The following CEP44 variants were observed in gnomAD, a reference collection of about 807,000 sequenced individuals.
CEP44 encodes centrosomal protein of 44 kDa.
CEP44 carries 45 observed loss-of-function variants against 46.7 expected under a neutral mutation model. The observed-to-expected ratio is 0.96, with a 90% CI of 0.76 to 1.24. The LOEUF (loss-of-function observed/expected upper bound fraction) is 1.24. Among genes scored for constraint, CEP44 ranks in the 50% most tolerant of loss-of-function variants. The pLI, the probability that CEP44 is intolerant of heterozygous loss-of-function variation, is 0.00. For missense variants in CEP44, 475 were observed against 459.7 expected (o/e 1.03, Z -0.30); for synonymous variants, 142 against 146.0 (o/e 0.97, Z 0.20).
rs1220465703 is a variant in CEP44 at position 174,310,941 on chromosome 4, T to C, written c.961+83T>C. The C allele has an allele frequency of 1.5e-6, 1 of 670,478 alleles. No individual in the cohort carries two copies. The highest frequency in any genetic ancestry group is 1.8e-5 in the African/African-American group (1 of 54,128). 41.5% of individuals were successfully genotyped at this position (670,478 alleles called of 1,614,324 possible). Reference sequence around the variant, plus strand: ...ATAGTAATTTTAATATTCTTAAGCTTTATTGTTTAGAAATTGCAAAGCTCC... The same window carrying C: ...ATAGTAATTTTAATATTCTTAAGCTCTATTGTTTAGAAATTGCAAAGCTCC... On this transcript the variant is annotated intron_variant, in intron 9 of 11. Transcript: ENST00000503780. This position sits in a 1 kb window ranked among gnomAD's most constrained non-coding sequence, Gnocchi z 4.2.
intron 1 of CEP44, among the ~76,000 whole-genome samples, chr4:174,292,920 T>G (rs1047265261): frequency 2.6e-5 from 4 of 152,228 alleles, no homozygotes; most frequent in Admixed American, 2.0e-4. Context: ...TTGGTTTCCT[T>G]TGGCATGTTG....
Position 174,299,113 on chromosome 4 carries a change from T to A in CEP44, c.-9T>A, listed in dbSNP as rs747626793. The A allele has an allele frequency of 6.2e-7, 1 of 1,607,062 alleles. No individual in the cohort carries two copies. The highest frequency in any genetic ancestry group is 8.5e-7 in the Non-Finnish European group (1 of 1,177,336). ...TTTCAAGAATTGGAGCTGAATCTGA[T>A]GTTAAGTAATGGCAACAGGTGACTT... is the stretch of plus-strand genomic sequence containing the variant. On this transcript the variant is annotated 5_prime_UTR_variant, in exon 3 of 12. It removes an upstream start codon present in the reference 5' UTR. Transcript: ENST00000503780.
chr4:174,299,306 C>A, intron 3 of CEP44, 96 bp downstream of exon 3: 1 of 927,010 alleles, frequency 1.1e-6, no homozygotes, highest in Non-Finnish European at 1.6e-6. Context: ...CAGATTTTAC[C>A]TGGTTCCTAT....
In CEP44 at chr4:174,308,749, A is replaced by G. The variant is rs771493509; in HGVS notation, c.568A>G (p.Thr190Ala). 13 of 1,613,246 alleles carry G rather than the reference A, an allele frequency of 8.1e-6. No homozygotes were observed. The highest frequency in any genetic ancestry group is 1.1e-5 in the Non-Finnish European group (13 of 1,179,372). ...NEDNVDISEDTLSPITDVNEA... is the reference protein window; with the variant it reads ...NEDNVDISEDALSPITDVNEA... The stretch of plus-strand genomic sequence containing the variant: ...AGATAATGTTGACATTTCTGAGGAT[A>G]CATTAAGTCCAATAACAGATGTTAA... Residue 190 changes from threonine (T) to alanine (A), a missense_variant, in exon 7 of 12, where the codon ACA (threonine) becomes GCA (alanine). By Grantham distance (58) the Thr-to-Ala change is moderately conservative (BLOSUM62 0). Transcript: ENST00000503780.
intron 1 of CEP44, among the ~76,000 whole-genome samples, chr4:174,295,277 G>T (rs1406991197): frequency 6.6e-6 from 1 of 151,596 alleles, no homozygotes; most frequent in Non-Finnish European, 1.5e-5. Context: ...AGACGGAGCG[G>T]CTGGGCAGAG....
chr4:174,319,175 A>G lies in CEP44; in HGVS notation c.*1792A>G. 3.1e-6 allele frequency: 3 copies of G among 980,692 alleles called. No individual in the cohort carries two copies. The highest frequency in any genetic ancestry group is 9.4e-5 in the South Asian group (2 of 21,194). 60.7% of individuals were successfully genotyped at this position (980,692 alleles called of 1,614,324 possible). A position where few individuals can be genotyped will look rare whatever the true frequency, so the allele number is the denominator to read the frequency against. On this transcript the variant is annotated 3_prime_UTR_variant, in exon 12 of 12. Transcript: ENST00000503780. ...AAAATGGTAGCCTACAGAAACATAC[A>G]ATTTTGAATTTAACAGAGTTTCAGT...
chr4:174,303,748 C>T lies in CEP44; in HGVS notation c.283C>T (p.Gln95Ter). 2 of 1,557,304 alleles carry T rather than the reference C, an allele frequency of 1.3e-6. No homozygotes were observed. Among genetic ancestry groups the T allele is most frequent in the Non-Finnish European group, 8.8e-7 (1 of 1,137,124 alleles). The stretch of plus-strand genomic sequence containing the variant: ...TTATAAACCAATTTTGACAAAAAAG[C>T]AGTTTATCCAATGTGGGTTTGCAGA... The part of the protein sequence containing the change: ...FNYKPILTKK[Q>*]FIQCGFAEWK... The change falls in exon 5 of 12, where the codon CAG (glutamine) becomes TAG (stop). Residue 95 changes from glutamine (Q) to a stop codon, truncating the protein, a stop_gained. Transcript: ENST00000503780. LOFTEE classifies it high-confidence loss of function.
chr4:174,310,074 C>G lies in CEP44; in HGVS notation c.885+18C>G, dbSNP rs546205563. On this transcript the variant is annotated intron_variant, in intron 8 of 11. Transcript: ENST00000503780. This position sits in a 1 kb window ranked among gnomAD's most constrained non-coding sequence, Gnocchi z 4.2. ...CTAAAAAGGTATTTTCCTCCTTTAA[C>G]ATTTATAAAATATCTCAGATATAAC... The G allele has an allele frequency of 1.8e-4, 293 of 1,596,198 alleles. 2 individuals are homozygous for G. Among genetic ancestry groups the G allele is most frequent in the Middle Eastern group, 1.4e-3 (8 of 5,738 alleles).
At chr4:174,322,222 G>A (rs971920088), downstream of CEP44, among the ~76,000 whole-genome samples, 3 of 151,848 alleles carry the variant, frequency 2.0e-5, no homozygotes, top group Non-Finnish European at 4.4e-5. Context: ...TCTCAATTTC[G>A]CACCATTTTT....
chr4:174,303,060 A>G (rs960394488), intron 4 of CEP44, among the ~76,000 whole-genome samples: 12 of 152,228 alleles, frequency 7.9e-5, no homozygotes, highest in Non-Finnish European at 1.3e-4. Flanking sequence ...CATTACAGGC[A>G]TGAGCCACCG....
At chr4:174,293,611 A>T (rs1738488024) in intron 1 of CEP44, among the ~76,000 whole-genome samples, 1 of 152,216 alleles carries the variant, frequency 6.6e-6, no homozygotes. Flanking sequence ...TTGCCAGTAT[A>T]TAGGAAAACA....
At chr4:174,330,949 G>A (rs963984684) in intron 8 of CEP44, among the ~76,000 whole-genome samples, 1 of 152,016 alleles carries the variant, frequency 6.6e-6, no homozygotes, top group Non-Finnish European at 1.5e-5. Context: ...AATATAAAAA[G>A]TACCATGGTA....
In CEP44 at chr4:174,287,413, G is replaced by A. The variant is rs1737690585; in HGVS notation, c.-148+3470G>A. 6.6e-6 allele frequency among the ~76,000 whole-genome samples: 1 copy of A among 152,096 alleles called. No homozygotes were observed. Among genetic ancestry groups the A allele is most frequent in the Non-Finnish European group, 1.5e-5 (1 of 68,020 alleles). Reference sequence around the variant, plus strand: ...TGACATTTAAGCAGGATGCCGAGGGGTATTAGCCAGATGGAGAATGGGAGA... The same window carrying A: ...TGACATTTAAGCAGGATGCCGAGGGATATTAGCCAGATGGAGAATGGGAGA... On this transcript the variant is annotated intron_variant, in intron 1 of 11. Coordinates refer to ENST00000503780, the MANE Select transcript of CEP44 (RefSeq NM_001040157.3). This position sits in a 1 kb window ranked among gnomAD's most constrained non-coding sequence, Gnocchi z 5.1.
intron 1 of CEP44, among the ~76,000 whole-genome samples, chr4:174,292,901 G>A (rs1255277387): frequency 3.9e-5 from 6 of 152,132 alleles, no homozygotes; most frequent in Admixed American, 2.6e-4. Flanking sequence ...GTCAGTTTCT[G>A]TAACCTTATT....
At chr4:174,304,057 G>A (rs1268579949) in intron 5 of CEP44, among the ~76,000 whole-genome samples, 190 bp from the exon 6 acceptor site, 1 of 152,102 alleles carries the variant, frequency 6.6e-6, no homozygotes, top group Admixed American at 6.5e-5. Context: ...AACTCCTAGT[G>A]TTAAACTAAT....
chr4:174,318,386 A>G lies in CEP44; in HGVS notation c.*1003A>G, dbSNP rs762443427. ...TGTAGCCATTCTAGCCACCGTTAAA[A>G]GATACACAGTGAGGTGTTGTGTTTT... On this transcript the variant is annotated 3_prime_UTR_variant, in exon 12 of 12. Coordinates refer to ENST00000503780, the MANE Select transcript of CEP44 (RefSeq NM_001040157.3). 2.9e-5 allele frequency: 29 copies of G among 985,264 alleles called. No homozygotes were observed. Among genetic ancestry groups the G allele is most frequent in the Non-Finnish European group, 3.4e-5 (28 of 829,902 alleles). The allele number at this position is 985,264 out of a possible 1,614,324, so 61.0% of individuals were successfully genotyped here. A position where few individuals can be genotyped will look rare whatever the true frequency, so the allele number is the denominator to read the frequency against.
intron 1 of CEP44, among the ~76,000 whole-genome samples, chr4:174,291,472 T>A (rs1738188986): frequency 6.6e-6 from 1 of 152,156 alleles, no homozygotes; most frequent in Non-Finnish European, 1.5e-5. Flanking sequence ...ATATTGTTTC[T>A]ATTAACAAAT....
In CEP44 at chr4:174,329,111, T is replaced by A. The variant is rs558428081; in HGVS notation, c.1087-2371T>A. 1.1e-3 allele frequency among the ~76,000 whole-genome samples: 168 copies of A among 151,474 alleles called. 2 individuals carry two copies. Among genetic ancestry groups the A allele is most frequent in the East Asian group, 7.0e-3 (36 of 5,134 alleles). On this transcript the variant is annotated intron_variant, in intron 8 of 8. Coordinates refer to the CEP44 transcript ENST00000426172. This position sits in a 1 kb window ranked among gnomAD's most constrained non-coding sequence, Gnocchi z 4.0. ...ACAGATGTGTGCCACTGCACCTGGA[T>A]TTTTTTTTATTGGTATTTTTTCGGA...
At chr4:174,306,689 T>C (rs114361367) in intron 6 of CEP44, among the ~76,000 whole-genome samples, 1 of 152,150 alleles carries the variant, frequency 6.6e-6, no homozygotes, top group Non-Finnish European at 1.5e-5. Flanking sequence ...GCAAAATTGC[T>C]GTATGTTTAA....
Sources: gnomAD v4.1 joint callset for allele counts (sites outside exome capture counted in the v4.1 genomes callset) on GRCh38, gnomAD v4.1.1 for gene constraint, Gnocchi (gnomAD v3.1) non-coding constraint, MANE v1.5 for transcripts, NCBI Gene and HGNC (gene_info 2026-07-23, HGNC 2026-07-21) for gene names.